The following AIG1 variants were observed in gnomAD, a reference collection of about 807,000 sequenced individuals.
The protein encoded by AIG1 is androgen-induced gene 1 protein.
AIG1 carries 23 observed loss-of-function variants against 31.4 expected under a neutral mutation model. That is an observed-to-expected ratio of 0.73 (90% CI 0.53 to 1.04). The LOEUF is 1.04. Ranked by LOEUF, AIG1 falls within the 50% of genes least tolerant of loss-of-function variation. AIG1 has a pLI of 0.00. For missense variants in AIG1, 274 were observed against 295.0 expected (o/e 0.93, Z 0.52); for synonymous variants, 100 against 110.5 (o/e 0.90, Z 0.60).
chr6:143,196,291 TTAAAA>T (rs1486444084), intron 3 of AIG1, among the ~76,000 whole-genome samples: 2 of 150,800 alleles, frequency 1.3e-5, no homozygotes, highest in Non-Finnish European at 2.9e-5. Flanking sequence ...GAGAGAATCT[TTAAAA>T]TAATCTCCCA....
At chr6:143,285,143 G>A (rs1298938413) in intron 4 of AIG1, among the ~76,000 whole-genome samples, 3 of 151,812 alleles carry the variant, frequency 2.0e-5, no homozygotes, top group African/African-American at 7.3e-5. Context: ...TATCTCCATG[G>A]AGCATCTTGC....
In AIG1 at chr6:143,334,017, G is replaced by A. The variant is rs767163446; in HGVS notation, c.679+572G>A. 2.5e-5 allele frequency: 38 copies of A among 1,530,184 alleles called. No individual in the cohort carries two copies. Among genetic ancestry groups the A allele is most frequent in the Admixed American group, 1.0e-4 (5 of 49,774 alleles). The allele number at this position is 1,530,184 out of a possible 1,614,324, so 94.8% of individuals were successfully genotyped here. A position where few individuals can be genotyped will look rare whatever the true frequency, so the allele number is the denominator to read the frequency against. On this transcript the variant is annotated intron_variant, in intron 5 of 5. Transcript: ENST00000357847. The surrounding 1 kb of genome is among the most constrained non-coding windows in gnomAD (Gnocchi z 5.1). The stretch of plus-strand genomic sequence containing the variant: ...TACAAGCAGTAAAAGATAATATTTC[G>A]TGGCTGGAAAAACTCTTTTAACCTG...
chr6:143,272,921 G>C (rs1796634038), intron 3 of AIG1, among the ~76,000 whole-genome samples: 1 of 152,158 alleles, frequency 6.6e-6, no homozygotes. Flanking sequence ...ACAAGGTCAG[G>C]AGTTCAAGAC....
At chr6:143,301,150 T>C (rs938204055) in intron 4 of AIG1, among the ~76,000 whole-genome samples, 21 of 152,204 alleles carry the variant, frequency 1.4e-4, no homozygotes, top group Non-Finnish European at 2.2e-4. Context: ...AACCAAAGTG[T>C]ATCTTAAAAC....
At chr6:143,286,746 A>C (rs1327225708) in intron 4 of AIG1, among the ~76,000 whole-genome samples, 2 of 152,190 alleles carry the variant, frequency 1.3e-5, no homozygotes, top group Non-Finnish European at 2.9e-5. Flanking sequence ...GGCCTGTGCA[A>C]TACTGAGTAA....
intron 1 of AIG1, among the ~76,000 whole-genome samples, chr6:143,089,216 GA>G (rs67109487): frequency 3.3e-4 from 44 of 134,546 alleles, no homozygotes; most frequent in East Asian, 1.0e-3. Context: ...CTCAAAAAAA[GA>G]AAAAAAAAAA....
rs569831002 is a variant in AIG1, at chr6:143,084,316, C to T, written c.141+23250C>T. Among the ~76,000 whole-genome samples, 4 of 152,226 alleles carry T rather than the reference C, an allele frequency of 2.6e-5. No individual in the cohort carries two copies. The South Asian group carries it at 6.2e-4, about 24-fold the overall frequency. On this transcript the variant is annotated intron_variant, in intron 1 of 5. Transcript: ENST00000357847. ...ACTCCCTTGACATAAGGGGCATGGA[C>T]GAGGGGGTGGCTTATTTCTATTCGG...
chr6:143,316,345 C>T (rs1459168735), intron 4 of AIG1, among the ~76,000 whole-genome samples: 1 of 152,062 alleles, frequency 6.6e-6, no homozygotes, highest in South Asian at 2.1e-4. Flanking sequence ...GGGAGTTTCA[C>T]TTATGAAACT....
At chr6:143,112,401 T>C (rs932304985) in intron 1 of AIG1, among the ~76,000 whole-genome samples, 1 of 152,238 alleles carries the variant, frequency 6.6e-6, no homozygotes, top group Non-Finnish European at 1.5e-5. Context: ...TGTGTTTCTT[T>C]ATCTCACTCT....
intron 3 of AIG1, among the ~76,000 whole-genome samples, chr6:143,220,793 C>A (rs1266053219): frequency 6.6e-6 from 1 of 152,206 alleles, no homozygotes; most frequent in Admixed American, 6.5e-5. Context: ...CCTCAGCTGG[C>A]AGCACATTTA....
At chr6:143,187,864 A>G (rs1055898073) in intron 3 of AIG1, 7 of 1,409,926 alleles carry the variant, frequency 5.0e-6, no homozygotes, top group Non-Finnish European at 6.4e-6. Context: ...ACAGAAGGGT[A>G]TCCGCAGCAT....
intron 1 of AIG1, among the ~76,000 whole-genome samples, chr6:143,106,283 G>C (rs1780796783): frequency 2.0e-5 from 3 of 152,186 alleles, no homozygotes; most frequent in Non-Finnish European, 4.4e-5. Flanking sequence ...CAAACCACCA[G>C]AGAAAAGATA....
intron 3 of AIG1, among the ~76,000 whole-genome samples, chr6:143,243,953 C>T (rs1794438437): frequency 6.6e-6 from 1 of 152,194 alleles, no homozygotes; most frequent in Admixed American, 6.5e-5. Context: ...TCCTTCTCAC[C>T]TCAGTGCTTC....
At chr6:143,184,090 G>C (rs548628330) in intron 3 of AIG1, among the ~76,000 whole-genome samples, 2 of 152,292 alleles carry the variant, frequency 1.3e-5, no homozygotes, top group South Asian at 4.2e-4. Flanking sequence ...AGATCATCTG[G>C]TTCATCTACC....
intron 1 of AIG1, among the ~76,000 whole-genome samples, chr6:143,116,803 A>G (rs1237339055): frequency 6.6e-6 from 1 of 151,558 alleles, no homozygotes; most frequent in Non-Finnish European, 1.5e-5. Context: ...TGGACAGGAA[A>G]ACCACAATGG....
chr6:143,212,957 A>G (rs1791703455), intron 3 of AIG1, among the ~76,000 whole-genome samples: 1 of 152,196 alleles, frequency 6.6e-6, no homozygotes, highest in Non-Finnish European at 1.5e-5. Context: ...TGTGAGAGAT[A>G]TGACAGAGGG....
chr6:143,187,689 G>A, intron 3 of AIG1: 1 of 1,536,052 alleles, frequency 6.5e-7, no homozygotes. Context: ...CTTTGAAGCA[G>A]GCTGCCTCTC....
At chr6:143,096,492 A>G (rs1779806866) in intron 1 of AIG1, among the ~76,000 whole-genome samples, 1 of 152,208 alleles carries the variant, frequency 6.6e-6, no homozygotes. Context: ...CTAGCATGAG[A>G]GTGACTAAGT....
At position 143,286,594 on chromosome 6, in the gene AIG1, T is replaced by C. The variant is rs545306155; in HGVS notation, c.515+2369T>C. Among the ~76,000 whole-genome samples, 5 of 152,246 alleles carry C rather than the reference T, an allele frequency of 3.3e-5. No homozygotes were observed. The South Asian group carries it at 1.0e-3, about 32-fold the overall frequency. On this transcript the variant is annotated intron_variant, in intron 4 of 5. Coordinates refer to ENST00000357847, the MANE Select transcript of AIG1 (RefSeq NM_016108.4). ...CTTTCAGACTATGTTAGGGCCGACA[T>C]ACCCGTGACACAACAGCCAAAGGTT...
Sources: gnomAD v4.1 joint callset for allele counts (sites outside exome capture counted in the v4.1 genomes callset) on GRCh38, gnomAD v4.1.1 for gene constraint, Gnocchi (gnomAD v3.1) non-coding constraint, MANE v1.5 for transcripts, NCBI Gene and HGNC (gene_info 2026-07-23, HGNC 2026-07-21) for gene names.